TST: variants seen among roughly 807,000 people sequenced by gnomAD.
TST encodes epididymis secretory sperm binding protein.
Under a neutral mutation model 20.4 loss-of-function variants are expected in TST, and 22 were observed. The observed-to-expected ratio is 1.08, with a 90% CI of 0.77 to 1.54. The LOEUF is 1.54. TST is among the 40% of genes most tolerant of loss of function. TST has a pLI of 0.00. For synonymous variants in TST, 187 were observed against 173.8 expected, an observed-to-expected ratio of 1.08 and a Z score of -0.60; for missense variants, 392 against 405.2, an observed-to-expected ratio of 0.97 and a Z score of 0.28.
chr22:37,016,102 G>C (rs1168722142), intron 2 of TST, among the ~76,000 whole-genome samples: 1 of 151,598 alleles, frequency 6.6e-6, no homozygotes, highest in African/African-American at 2.4e-5. Context: ...TACCACCAAC[G>C]CCTGGCTAAT....
intron 2 of TST, 88 bp from the exon 3 acceptor site, chr22:37,011,413 G>A: frequency 7.3e-7 from 1 of 1,376,422 alleles, no homozygotes; most frequent in Admixed American, 2.2e-5. Context: ...ATAGCTGGAA[G>A]GATAGATAGC....
upstream of TST, chr22:37,019,592 G>A (rs1206145088): frequency 5.2e-6 from 1 of 193,290 alleles, no homozygotes; most frequent in Non-Finnish European, 1.0e-5. Context: ...CCTCGCGCGC[G>A]GGGCCTCCGG....
chr22:37,012,333 T>C (rs1922508633), intron 2 of TST, among the ~76,000 whole-genome samples: 1 of 152,144 alleles, frequency 6.6e-6, no homozygotes, highest in Admixed American at 6.5e-5. Context: ...GTGAGGGCCC[T>C]CGGCCAAATC....
Position 37,018,228 on chromosome 22 carries a change from G to A in TST, c.505C>T (p.Leu169=). ...RSLLKTYEQV[L]ENLESKRFQL... is the part of the protein sequence containing the mutation. ...AACCTCTTAGATTCAAGGTTCTCCA[G>A]CACCTGCTCGTAGGTCTTGAGCAGG... Residue 169 remains leucine (L), a synonymous_variant, in exon 2 of 3, where the codon CTG becomes TTG. Transcript: ENST00000249042. 1 of 1,613,848 alleles carries A rather than the reference G, an allele frequency of 6.2e-7. No homozygotes were observed. Among genetic ancestry groups the A allele is most frequent in the African/African-American group, 1.3e-5 (1 of 75,042 alleles).
upstream of TST, chr22:37,019,952 G>A: frequency 1.4e-6 from 1 of 691,280 alleles, no homozygotes; most frequent in Non-Finnish European, 2.0e-6. Context: ...CGGGGCTCCC[G>A]CGCGGGACCT....
chr22:37,011,084 C>T lies in TST; in HGVS notation c.837G>A (p.Trp279Ter). 4 of 1,612,930 alleles carry T rather than the reference C, an allele frequency of 2.5e-6. No individual in the cohort carries two copies. The highest frequency in any genetic ancestry group is 3.4e-6 in the Non-Finnish European group (4 of 1,179,978). Residue 279 changes from tryptophan to a stop codon, truncating the protein, a stop_gained, in exon 3 of 3, where the codon TGG becomes TGA. Coordinates refer to ENST00000249042, the MANE Select transcript of TST (RefSeq NM_003312.6). LOFTEE classifies it high-confidence loss of function. ...VAVYDGSWSE[W>*]FRRAPPESRV... ...GGCTCTCTGGGGGGGCCCGGCGAAA[C>T]CACTCGGACCAGGAGCCATCGTACA...
intron 1 of TST, 188 bp from the exon 2 acceptor site, chr22:37,018,941 C>T (rs1397720175): frequency 6.4e-6 from 3 of 467,604 alleles, no homozygotes; most frequent in Non-Finnish European, 1.1e-5. Flanking sequence ...AAGCCGGCCC[C>T]GCCCCTCCCA....
intron 2 of TST, 54 bp downstream of exon 2, chr22:37,018,084 T>C: frequency 7.3e-7 from 1 of 1,376,816 alleles, no homozygotes; most frequent in African/African-American, 1.5e-5. Flanking sequence ...CCTTACTCCC[T>C]ATCCTTCCAT....
intron 2 of TST, 87 bp downstream of exon 2, chr22:37,018,051 A>T: frequency 9.5e-7 from 1 of 1,049,632 alleles, no homozygotes; most frequent in Non-Finnish European, 1.3e-6. Flanking sequence ...CATGGGACGG[A>T]CCCTGGAGAG....
At position 37,011,303 on chromosome 22, in the gene TST, A is replaced by G. The variant is rs199682823; in HGVS notation, c.618T>C (p.Arg206=). The G allele has an allele frequency of 1.9e-6, 3 of 1,613,352 alleles. No homozygotes were observed. In the East Asian group the frequency reaches 6.7e-5, roughly 36 times the overall value. Residue 206 remains arginine, a synonymous_variant, in exon 3 of 3, where the codon CGT becomes CGC. Transcript: ENST00000249042. ...DAVGLDSGHI[R]GAVNMPFMDF... is the part of the protein sequence containing the mutation. The stretch of plus-strand genomic sequence containing the variant: ...CCATGAAAGGCATGTTGACGGCACC[A>G]CGGATATGGCCCGAGTCCAGTCCTG...
At chr22:37,018,008 G>C (rs1056218967) in intron 2 of TST, 130 bp downstream of exon 2, 89 of 684,134 alleles carry the variant, frequency 1.3e-4, no homozygotes, top group Non-Finnish European at 1.8e-4. Context: ...TTTATCGATG[G>C]AAAGACTGAG....
At chr22:37,013,063 C>A (rs541594116) in intron 2 of TST, among the ~76,000 whole-genome samples, 1 of 151,818 alleles carries the variant, frequency 6.6e-6, no homozygotes, top group East Asian at 1.9e-4. Flanking sequence ...AAAAAGTAAA[C>A]CTCACCCACC....
intron 2 of TST, among the ~76,000 whole-genome samples, chr22:37,013,479 C>A (rs112183197): frequency 0.02 from 2,997 of 151,722 alleles, 40 homozygotes; most frequent in Non-Finnish European, 0.029. Flanking sequence ...GTGGCATGCA[C>A]CTGTAGTCCC....
intron 2 of TST, among the ~76,000 whole-genome samples, chr22:37,015,431 AG>A (rs1922641131): frequency 6.6e-6 from 1 of 152,228 alleles, no homozygotes; most frequent in South Asian, 2.1e-4. Context: ...CTCTCAGGTG[AG>A]CAGCGCTCCT....
At chr22:37,012,909 G>A (rs961297728) in intron 2 of TST, among the ~76,000 whole-genome samples, 2 of 152,218 alleles carry the variant, frequency 1.3e-5, no homozygotes, top group Admixed American at 1.3e-4. Context: ...GGGTATGGTG[G>A]CATGCGCCTG....
Position 37,018,684 on chromosome 22 carries a change from C to G in TST, c.49G>C (p.Ala17Pro), listed in dbSNP as rs1457878987. The part of the protein sequence containing the change: ...YRALVSTKWL[A>P]ESIRTGKLGP... ...AGCTTGCCAGTCCTGATGGACTCCGCCAGCCACTTGGTGGAGACCAGCGCC... is the reference window on the plus strand; with the variant it reads ...AGCTTGCCAGTCCTGATGGACTCCGGCAGCCACTTGGTGGAGACCAGCGCC... Residue 17 changes from alanine (A) to proline (P), a missense_variant, in exon 2 of 3, where the codon GCG becomes CCG. Coordinates refer to ENST00000249042, the MANE Select transcript of TST (RefSeq NM_003312.6). 10 of 1,536,252 alleles carry G rather than the reference C, an allele frequency of 6.5e-6. No individual in the cohort carries two copies. Among genetic ancestry groups the G allele is most frequent in the Non-Finnish European group, 8.7e-6 (10 of 1,143,442 alleles).
Position 37,018,603 on chromosome 22 carries a change from C to G in TST, c.130G>C (p.Ala44Pro). The stretch of plus-strand genomic sequence containing the variant: ...TGGCGCTCGAGGTACTCCTTGCGGG[C>G]CTCTCGGGTGCCTGGTGAGTACCAG... ...ASWYSPGTRE[A>P]RKEYLERHVP... The change falls in exon 2 of 3, where the codon GCC (alanine) becomes CCC (proline). Residue 44 changes from alanine (A) to proline (P), a missense_variant. Physicochemically the swap from Ala to Pro is conservative, Grantham distance 27. Transcript: ENST00000249042. The G allele has an allele frequency of 6.4e-7, 1 of 1,565,686 alleles. No homozygotes were observed. Among genetic ancestry groups the G allele is most frequent in the Non-Finnish European group, 8.7e-7 (1 of 1,155,610 alleles).
At chr22:37,017,406 G>A (rs989893487) in intron 2 of TST, among the ~76,000 whole-genome samples, 1 of 152,172 alleles carries the variant, frequency 6.6e-6, no homozygotes, top group Non-Finnish European at 1.5e-5. Flanking sequence ...CATTGGGTGC[G>A]TCCTGGTTTA....
At chr22:37,019,842 G>A (rs1333953619), upstream of TST, 27 of 1,218,178 alleles carry the variant, frequency 2.2e-5, no homozygotes, top group Non-Finnish European at 2.8e-5. Context: ...GGGCCATGGC[G>A]GAGCCAGGAA....
Sources: gnomAD v4.1 joint callset for allele counts (sites outside exome capture counted in the v4.1 genomes callset) on GRCh38, gnomAD v4.1.1 for gene constraint, MANE v1.5 for transcripts, NCBI Gene and HGNC (gene_info 2026-07-23, HGNC 2026-07-21) for gene names.